Variants in WDR43 observed in about 807,000 individuals in gnomAD.
WDR43 encodes WD repeat-containing protein 43.
In WDR43, 13 loss-of-function variants were observed where a neutral mutation model predicts 91.4. That is an observed-to-expected ratio of 0.14 (90% confidence interval 0.09 to 0.23). The LOEUF (loss-of-function observed/expected upper bound fraction) is 0.23, where lower values mean the gene tolerates loss of function less well. Among genes scored for constraint, WDR43 ranks in the 10% least tolerant of loss-of-function variants. The pLI, the probability that WDR43 is intolerant of heterozygous loss-of-function variation, is 1.00. For synonymous variants in WDR43, 331 were observed against 287.9 expected (o/e 1.15, Z -1.51); for missense variants, 780 against 809.4 (o/e 0.96, Z 0.44).
At chr2:28,924,645 G>T (rs564975592) in intron 7 of WDR43, among the ~76,000 whole-genome samples, 160 of 152,212 alleles carry the variant, frequency 1.1e-3, no homozygotes, top group Non-Finnish European at 2.0e-3. Flanking sequence ...CTGGAGACGG[G>T]ACTGACTGGA....
At chr2:28,922,845 T>G in intron 6 of WDR43, 74 bp from the exon 7 acceptor site, 29 of 1,034,526 alleles carry the variant, frequency 2.8e-5, no homozygotes, top group Non-Finnish European at 3.7e-5. Flanking sequence ...GAAGGACAGC[T>G]GAGTTTTCAT....
At position 28,902,088 on chromosome 2, in the gene WDR43, C is replaced by T. The variant is rs1670586644; in HGVS notation, c.327C>T (p.Tyr109=). The change falls in exon 2 of 18, where the codon TAC becomes TAT. Residue 109 remains tyrosine, a synonymous_variant. Coordinates refer to ENST00000407426, the MANE Select transcript of WDR43 (RefSeq NM_015131.3). ...LGTAVGSILL[Y]STVKGELHSK... is the part of the protein sequence containing the mutation. Reference sequence around the variant, plus strand: ...CAGCAGTTGGTAGCATTTTATTATACAGCACAGTAAAAGGAGAGTTACACA... The same window carrying T: ...CAGCAGTTGGTAGCATTTTATTATATAGCACAGTAAAAGGAGAGTTACACA... 1.2e-6 allele frequency: 2 copies of T among 1,604,050 alleles called. No individual in the cohort carries two copies. The highest frequency in any genetic ancestry group is 1.7e-6 in the Non-Finnish European group (2 of 1,175,622).
Position 28,946,519 on chromosome 2 carries a change from T to A in WDR43, c.1854+20T>A, listed in dbSNP as rs762300516. ...TCTGAAGTGAGTGATTTGTTCCCTG[T>A]ATATACATCGGCCTTTATATCCTCA... On this transcript the variant is annotated intron_variant, in intron 17 of 17. Coordinates refer to ENST00000407426, the MANE Select transcript of WDR43 (RefSeq NM_015131.3). The A allele has an allele frequency of 6.2e-7, 1 of 1,607,204 alleles. No homozygotes were observed. Among genetic ancestry groups the A allele is most frequent in the Non-Finnish European group, 8.5e-7 (1 of 1,176,110 alleles).
At chr2:28,928,665 TTTG>T (rs748757251) in intron 10 of WDR43, among the ~76,000 whole-genome samples, 6 of 152,146 alleles carry the variant, frequency 3.9e-5, no homozygotes, top group East Asian at 3.9e-4. Context: ...ATTGAGGGTG[TTTG>T]TTGTTGTTTT....
At chr2:28,902,659 C>T (rs1670598437) in intron 2 of WDR43, among the ~76,000 whole-genome samples, 1 of 152,230 alleles carries the variant, frequency 6.6e-6, no homozygotes, top group Non-Finnish European at 1.5e-5. Context: ...TGCTGTTGGG[C>T]ATTACCACTG....
intron 8 of WDR43, 47 bp from the exon 9 acceptor site, chr2:28,926,421 T>C (rs751755133): frequency 3.6e-6 from 5 of 1,399,824 alleles, no homozygotes; most frequent in Non-Finnish European, 4.8e-6. Context: ...ACACTCTTTT[T>C]TTTTTCTTTC....
chr2:28,915,765 T>G (rs1040730780), intron 5 of WDR43, among the ~76,000 whole-genome samples: 1 of 151,224 alleles, frequency 6.6e-6, no homozygotes. Flanking sequence ...AAAAGATAAA[T>G]CAAACCCCAG....
chr2:28,938,305 C>G (rs2148198248), intron 14 of WDR43, among the ~76,000 whole-genome samples: 1 of 152,286 alleles, frequency 6.6e-6, no homozygotes, highest in African/African-American at 2.4e-5. Context: ...GACACACACA[C>G]AGGCACGGCA....
intron 10 of WDR43, chr2:28,928,001 T>C (rs549921231): frequency 3.5e-5 from 9 of 257,264 alleles, no homozygotes; most frequent in African/African-American, 1.6e-4. Context: ...ATGACTATCA[T>C]TGGGTTTCGC....
intron 3 of WDR43, among the ~76,000 whole-genome samples, chr2:28,910,756 A>G (rs1017848257): frequency 1.3e-5 from 2 of 151,138 alleles, no homozygotes; most frequent in Admixed American, 1.3e-4. Context: ...GGAGTGCAGC[A>G]GTGGTGTCTC....
chr2:28,921,130 A>AT (rs1323038957), intron 6 of WDR43, among the ~76,000 whole-genome samples: 6 of 142,096 alleles, frequency 4.2e-5, no homozygotes, highest in African/African-American at 1.5e-4. Context: ...TTTTAAAAAA[A>AT]ATTTTTTTTT....
At chr2:28,917,801 T>C (rs1397074893) in intron 5 of WDR43, 92 bp from the exon 6 acceptor site, 3 of 1,069,482 alleles carry the variant, frequency 2.8e-6, no homozygotes, top group Non-Finnish European at 4.0e-6. Flanking sequence ...GGGAATCTCA[T>C]GTGCTGATCT....
chr2:28,895,991 TG>T (rs1034051652), intron 1 of WDR43: 36 of 152,224 alleles, frequency 2.4e-4, no homozygotes, highest in Admixed American at 7.9e-4. Context: ...TGCTATACTT[TG>T]GGCATGTTTA....
intron 6 of WDR43, among the ~76,000 whole-genome samples, chr2:28,919,882 C>T (rs959855894): frequency 2.0e-5 from 3 of 151,778 alleles, no homozygotes; most frequent in Non-Finnish European, 4.4e-5. Context: ...TCTCTGTCGC[C>T]CAGGCTGGAG....
chr2:28,910,266 A>G (rs192528637), intron 3 of WDR43, among the ~76,000 whole-genome samples: 4 of 152,352 alleles, frequency 2.6e-5, no homozygotes, highest in Admixed American at 2.0e-4. Flanking sequence ...AAGGAAGCTT[A>G]TCAGCCTCGT....
chr2:28,927,635 G>A lies in WDR43; in HGVS notation c.1240G>A (p.Ala414Thr). The A allele has an allele frequency of 1.2e-6, 2 of 1,613,906 alleles. No homozygotes were observed. The highest frequency in any genetic ancestry group is 2.2e-5 in the South Asian group (2 of 91,080). The change falls in exon 10 of 18, where the codon GCT (alanine) becomes ACT (threonine). Residue 414 changes from alanine (A) to threonine (T), a missense_variant. By Grantham distance (58) the Ala-to-Thr change is moderately conservative. This residue lies in a region of WDR43 where 426 missense variants were observed against 467.8 expected (regional missense o/e 0.91). Coordinates refer to ENST00000407426, the MANE Select transcript of WDR43 (RefSeq NM_015131.3). ...GCCTGGGATTCCTGGTCATCATGCA[G>A]CTATCAAGCCCGCTCCTCCACAAAC... ...LVPGIPGHHA[A>T]IKPAPPQTEQ...
intron 6 of WDR43, among the ~76,000 whole-genome samples, chr2:28,920,617 C>G (rs1188950584): frequency 6.6e-6 from 1 of 152,120 alleles, no homozygotes; most frequent in Non-Finnish European, 1.5e-5. Flanking sequence ...AGAAAAATCA[C>G]TTTCCTTGGA....
chr2:28,913,474 C>T (rs142009779), intron 4 of WDR43, among the ~76,000 whole-genome samples: 26 of 152,266 alleles, frequency 1.7e-4, no homozygotes, highest in Non-Finnish European at 3.2e-4. Context: ...GGAGTATAGG[C>T]GCTTGCCACC....
chr2:28,914,345 G>A (rs1670865846), intron 5 of WDR43, 137 bp downstream of exon 5: 2 of 1,137,868 alleles, frequency 1.8e-6, no homozygotes, highest in Non-Finnish European at 2.4e-6. Flanking sequence ...ATAAAAAATT[G>A]AGCCTGCCTA....
Sources: gnomAD v4.1 joint callset for allele counts (sites outside exome capture counted in the v4.1 genomes callset) on GRCh38, gnomAD v4.1.1 for gene constraint, gnomAD v4.1.1 regional missense constraint, MANE v1.5 for transcripts, NCBI Gene and HGNC (gene_info 2026-07-23, HGNC 2026-07-21) for gene names.